PABPC1: variants seen among roughly 807,000 people sequenced by gnomAD.
PABPC1 encodes poly(A) binding protein cytoplasmic 1, also known as polyadenylate-binding protein 1.
PABPC1 carries 4 observed loss-of-function variants against 74.0 expected under a neutral mutation model. That is an observed-to-expected ratio of 0.05 (90% CI 0.03 to 0.12). The LOEUF is 0.12. PABPC1 is among the 10% of genes least tolerant of loss of function. The pLI is 1.00. For synonymous variants in PABPC1, 227 were observed against 264.1 expected, an observed-to-expected ratio of 0.86 and a Z score of 1.36; for missense variants, 271 against 821.1, an observed-to-expected ratio of 0.33 and a Z score of 8.19.
chr8:100,703,112 C>T lies in PABPC1; in HGVS notation c.*249G>A. ...ATTCTTTTTCCCAGGGTCTATAAAA[C>T]ATTAATTTGTTTTTATATTTTACTA... On this transcript the variant is annotated 3_prime_UTR_variant, in exon 15 of 15. Transcript: ENST00000318607. 6.1e-6 allele frequency: 1 copy of T among 165,014 alleles called. No individual in the cohort carries two copies. 10.2% of individuals were successfully genotyped at this position (165,014 alleles called of 1,614,324 possible).
chr8:100,720,654 C>T (rs1428112570), intron 1 of PABPC1, among the ~76,000 whole-genome samples: 4 of 152,202 alleles, frequency 2.6e-5, no homozygotes, highest in Non-Finnish European at 4.4e-5. Flanking sequence ...AACTGGCCTT[C>T]AAAGTGGTCG....
At chr8:100,704,440 AAG>A (rs1810329090) in intron 13 of PABPC1, 50 bp from the exon 14 acceptor site, 5 of 1,433,850 alleles carry the variant, frequency 3.5e-6, no homozygotes, top group South Asian at 1.2e-5. Flanking sequence ...AATGGAAATA[AAG>A]AGTTTCATAA....
intron 4 of PABPC1, among the ~76,000 whole-genome samples, chr8:100,714,147 C>T (rs1241546398): frequency 6.6e-6 from 1 of 152,192 alleles, no homozygotes; most frequent in African/African-American, 2.4e-5. Flanking sequence ...ATGTGCCTCT[C>T]TCCTGAGGCC....
At chr8:100,705,837 A>G (rs1810364902) in intron 11 of PABPC1, among the ~76,000 whole-genome samples, 164 bp from the exon 12 acceptor site, 1 of 152,234 alleles carries the variant, frequency 6.6e-6, no homozygotes, top group Non-Finnish European at 1.5e-5. Flanking sequence ...ATTATATACT[A>G]TGTATCACAG....
chr8:100,717,906 C>T lies in PABPC1; in HGVS notation c.388-18G>A, dbSNP rs1204285912. 3.4e-6 allele frequency: 5 copies of T among 1,454,264 alleles called. No homozygotes were observed. The highest frequency in any genetic ancestry group is 3.8e-6 in the Non-Finnish European group (4 of 1,051,920). The allele number at this position is 1,454,264 out of a possible 1,614,324, so 90.1% of individuals were successfully genotyped here. ...CAAACCACCTAGGGAAAAACATATA[C>T]CCATTTTTCTTTATTTGCTATTGAT... On this transcript the variant is annotated intron_variant, in intron 2 of 14. Transcript: ENST00000318607.
chr8:100,715,442 A>G lies in PABPC1; in HGVS notation c.643+20T>C, dbSNP rs779078126. 56 of 1,557,144 alleles carry G rather than the reference A, an allele frequency of 3.6e-5. No homozygotes were observed. Among genetic ancestry groups the G allele is most frequent in the Non-Finnish European group, 4.4e-5 (50 of 1,147,032 alleles). On this transcript the variant is annotated intron_variant, in intron 4 of 14. Coordinates refer to ENST00000318607, the MANE Select transcript of PABPC1 (RefSeq NM_002568.4). ...CTAATTCAGAGCTTTGTGTGTAAAA[A>G]TTTAATTAAGACACATTACCAAACT...
At position 100,709,125 on chromosome 8, in the gene PABPC1, A is replaced by C; in HGVS notation, c.1336+8T>G. 9 of 1,561,864 alleles carry C rather than the reference A, an allele frequency of 5.8e-6. No homozygotes were observed. The highest frequency in any genetic ancestry group is 7.9e-6 in the Non-Finnish European group (9 of 1,145,476). On this transcript the variant is annotated splice_region_variant and intron_variant, in intron 9 of 14. Transcript: ENST00000318607. ...TCCCCAACCTTAATTAAAAGAAAAA[A>C]GACTTACGATGAGGTCTGGCACCCT...
At chr8:100,713,052 T>C in intron 5 of PABPC1, 35 bp downstream of exon 5, 5 of 1,421,882 alleles carry the variant, frequency 3.5e-6, no homozygotes, top group Non-Finnish European at 4.9e-6. Context: ...CTCAACTTTG[T>C]ACCCCCTTCT....
Position 100,704,437 on chromosome 8 carries a change from A to G in PABPC1, c.1819-47T>C, listed in dbSNP as rs369343571. ...AAACTGGTTCAGGAAAGGAATGGAA[A>G]TAAAGAGTTTCATAATGGTAACATA... On this transcript the variant is annotated intron_variant, in intron 13 of 14. Transcript: ENST00000318607. The G allele has an allele frequency of 3.8e-5, 55 of 1,453,480 alleles. No homozygotes were observed. The African/African-American group carries it at 7.4e-4, about 19-fold the overall frequency. The allele number at this position is 1,453,480 out of a possible 1,614,324, so 90.0% of individuals were successfully genotyped here.
In PABPC1 at chr8:100,716,337, G is replaced by A. The variant is rs1459966717; in HGVS notation, c.504-736C>T. Among the ~76,000 whole-genome samples, 3 of 152,122 alleles carry A rather than the reference G, an allele frequency of 2.0e-5. 1 individual carries two copies. Among genetic ancestry groups the A allele is most frequent in the Admixed American group, 1.3e-4 (2 of 15,272 alleles). On this transcript the variant is annotated intron_variant, in intron 3 of 14. Transcript: ENST00000318607. ...AATTGCTAGAACCCGGGAGGCAGAG[G>A]TGGCAGTGAGTAGATTGCACCACTG... is the stretch of plus-strand genomic sequence containing the variant.
chr8:100,716,292 T>C (rs1810667131), intron 3 of PABPC1, among the ~76,000 whole-genome samples: 1 of 152,106 alleles, frequency 6.6e-6, no homozygotes, highest in African/African-American at 2.4e-5. Flanking sequence ...TCCCACCTAC[T>C]TGGGAGGCTG....
intron 1 of PABPC1, among the ~76,000 whole-genome samples, chr8:100,718,663 A>C (rs1187902115): frequency 6.6e-6 from 1 of 152,266 alleles, no homozygotes; most frequent in Non-Finnish European, 1.5e-5. Context: ...ACATTACGCA[A>C]CAGATTTATC....
intron 9 of PABPC1, 60 bp downstream of exon 9, chr8:100,709,073 T>G (rs1414698603): frequency 1.6e-6 from 2 of 1,257,952 alleles, no homozygotes; most frequent in East Asian, 4.6e-5. Flanking sequence ...AAGAGCTGAT[T>G]TACCCAATGT....
intron 5 of PABPC1, 88 bp downstream of exon 5, chr8:100,712,999 C>A: frequency 9.4e-7 from 1 of 1,059,920 alleles, no homozygotes; most frequent in South Asian, 1.6e-5. Flanking sequence ...AAGAACATGT[C>A]AAATAGCTAT....
chr8:100,712,114 A>G (rs1031752732), intron 7 of PABPC1, among the ~76,000 whole-genome samples: 1 of 152,230 alleles, frequency 6.6e-6, no homozygotes, highest in Non-Finnish European at 1.5e-5. Context: ...TGCTTTAGCA[A>G]AATGACTAGT....
chr8:100,704,113 G>A, intron 14 of PABPC1, 184 bp downstream of exon 14: 4 of 449,164 alleles, frequency 8.9e-6, no homozygotes, highest in Non-Finnish European at 1.6e-5. Flanking sequence ...AAATCCAACA[G>A]TTAACGGGTA....
chr8:100,708,983 C>T, intron 9 of PABPC1, 150 bp downstream of exon 9: 1 of 695,966 alleles, frequency 1.4e-6, no homozygotes. Flanking sequence ...TATCTTAGCA[C>T]TGCTTTTAAA....
chr8:100,708,665 CAGG>C (rs1810445364), intron 9 of PABPC1, among the ~76,000 whole-genome samples: 3 of 152,042 alleles, frequency 2.0e-5, no homozygotes, highest in Admixed American at 1.3e-4. Flanking sequence ...GACCTGAGAT[CAGG>C]AGCTCAAGAC....
chr8:100,708,301 A>C (rs962298838), intron 9 of PABPC1, among the ~76,000 whole-genome samples: 1 of 152,178 alleles, frequency 6.6e-6, no homozygotes, highest in African/African-American at 2.4e-5. Flanking sequence ...CAAAAAATTT[A>C]AAAAATTAGC....
Sources: allele counts gnomAD v4.1 joint callset (sites outside exome capture counted in the v4.1 genomes callset), GRCh38; gene constraint gnomAD v4.1.1; transcripts MANE v1.5; gene names NCBI Gene and HGNC (gene_info 2026-07-23, HGNC 2026-07-21).